NAALADL2: variants seen among roughly 807,000 people sequenced by gnomAD.
NAALADL2 encodes the protein N-acetylated alpha-linked acidic dipeptidase like 2, also known as inactive N-acetylated-alpha-linked acidic dipeptidase-like protein 2.
NAALADL2 carries 76 observed loss-of-function variants against 87.2 expected under a neutral mutation model. That is an observed-to-expected ratio of 0.87 (90% confidence interval 0.72 to 1.05). The LOEUF (loss-of-function observed/expected upper bound fraction) is 1.05. NAALADL2 is among the 50% of genes least tolerant of loss of function. The pLI is 0.00. For missense variants in NAALADL2, 1,089 were observed against 945.8 expected (o/e 1.15, Z -1.99); for synonymous variants, 354 against 331.0 (o/e 1.07, Z -0.75).
intron 5 of NAALADL2, among the ~76,000 whole-genome samples, chr3:175,424,906 C>T (rs1051195072): frequency 1.3e-5 from 2 of 152,052 alleles, no homozygotes; most frequent in African/African-American, 2.4e-5. Context: ...TAAATAGACA[C>T]CTGAGGTAAA....
intron 1 of NAALADL2, among the ~76,000 whole-genome samples, chr3:174,517,989 G>A (rs1265448759): frequency 3.9e-5 from 6 of 152,116 alleles, no homozygotes; most frequent in African/African-American, 1.4e-4. Context: ...CTGAAGTGTA[G>A]AGGTGATCAA....
intron 4 of NAALADL2, among the ~76,000 whole-genome samples, chr3:175,304,349 T>G (rs7635611): frequency 0.09 from 13,703 of 152,218 alleles, 909 homozygotes; most frequent in East Asian, 0.18. Context: ...TCCATTATCT[T>G]CTCTCTGGAG....
At chr3:175,294,963 G>A (rs1428918443) in intron 4 of NAALADL2, among the ~76,000 whole-genome samples, 2 of 152,162 alleles carry the variant, frequency 1.3e-5, no homozygotes, top group African/African-American at 4.8e-5. Context: ...GAGTAGAAGT[G>A]AGAAGGTACT....
intron 13 of NAALADL2, among the ~76,000 whole-genome samples, chr3:175,783,854 CTTA>C (rs1396445304): frequency 6.8e-6 from 1 of 146,650 alleles, no homozygotes; most frequent in Non-Finnish European, 1.5e-5. Context: ...ATAGATAGCT[CTTA>C]TTATTTTGAA....
At chr3:175,435,103 G>C (rs1718404803) in intron 5 of NAALADL2, among the ~76,000 whole-genome samples, 2 of 151,896 alleles carry the variant, frequency 1.3e-5, no homozygotes, top group Non-Finnish European at 2.9e-5. Flanking sequence ...ATATTTATCA[G>C]TATCTAAATA....
At chr3:174,736,011 C>T (rs528269083) in intron 2 of NAALADL2, among the ~76,000 whole-genome samples, 1 of 152,222 alleles carries the variant, frequency 6.6e-6, no homozygotes, top group South Asian at 2.1e-4. Context: ...CAGCTCCAGG[C>T]ACTGGCCTGG....
chr3:175,087,169 CT>C (rs1167195388), intron 1 of NAALADL2, among the ~76,000 whole-genome samples: 1 of 152,198 alleles, frequency 6.6e-6, no homozygotes, highest in African/African-American at 2.4e-5. Flanking sequence ...TTGTTTCTCC[CT>C]TTTCGTATGC....
rs140088189 is a variant in NAALADL2 at position 175,383,194 on chromosome 3, A to G, written c.1090+58869A>G. 7.3e-4 allele frequency among the ~76,000 whole-genome samples: 111 copies of G among 152,158 alleles called. No homozygotes were observed. The East Asian group carries it at 0.019, about 26-fold the overall frequency. ...CCTTTGTGTTAGGAGGCTTTCAGTT[A>G]CAGTCTCTTAGTTGTTTTGAAATAC... is the stretch of plus-strand genomic sequence containing the variant. On this transcript the variant is annotated intron_variant, in intron 5 of 13. Coordinates refer to ENST00000454872, the MANE Select transcript of NAALADL2 (RefSeq NM_207015.3).
chr3:175,142,439 C>T (rs1340771116), intron 2 of NAALADL2, among the ~76,000 whole-genome samples: 3 of 151,984 alleles, frequency 2.0e-5, no homozygotes, highest in South Asian at 4.1e-4. Context: ...TTAATCCTCT[C>T]AACAACCTTA....
rs141281003 is a variant in NAALADL2, at chr3:174,654,670, G to A, written c.-114-82971G>A. On this transcript the variant is annotated intron_variant, in intron 2 of 3. Coordinates refer to the NAALADL2 transcript ENST00000434257. ...TGTTTTCTTTAGTGCAAATGTTTTC[G>A]GAAGTGCTTCACTTTTGAACTGATT... Among the ~76,000 whole-genome samples, 73 of 152,208 alleles carry A rather than the reference G, an allele frequency of 4.8e-4. No homozygotes were observed. In the East Asian group the frequency reaches 0.012, roughly 26 times the overall value.
intron 11 of NAALADL2, among the ~76,000 whole-genome samples, chr3:175,639,526 T>TAGCC (rs1729013640): frequency 6.6e-6 from 1 of 151,932 alleles, no homozygotes; most frequent in South Asian, 2.1e-4. Flanking sequence ...TTCACAGTGT[T>TAGCC]AGCCAGGTTG....
intron 1 of NAALADL2, among the ~76,000 whole-genome samples, chr3:174,865,188 C>CA (rs1014114598): frequency 1.8e-4 from 26 of 147,838 alleles, no homozygotes; most frequent in East Asian, 5.9e-4. Context: ...ATATTGTGTC[C>CA]AAAAAAAAAT....
chr3:175,193,974 A>G (rs9843603), intron 2 of NAALADL2, among the ~76,000 whole-genome samples: 15,934 of 151,860 alleles, frequency 0.1, 916 homozygotes, highest in Middle Eastern at 0.14. Context: ...AAGTGCTAGC[A>G]GCCCTTTCTT....
At chr3:174,575,409 C>G (rs1046482945) in intron 2 of NAALADL2, among the ~76,000 whole-genome samples, 4 of 152,110 alleles carry the variant, frequency 2.6e-5, no homozygotes, top group African/African-American at 9.7e-5. Flanking sequence ...TACCATTTGA[C>G]TATGTGACTA....
intron 2 of NAALADL2, among the ~76,000 whole-genome samples, chr3:174,722,931 G>A (rs1731840744): frequency 6.6e-6 from 1 of 152,182 alleles, no homozygotes; most frequent in Non-Finnish European, 1.5e-5. Flanking sequence ...ACTGGTTTAT[G>A]TGGCTAGCAG....
chr3:174,810,152 G>T (rs1173781769), intron 3 of NAALADL2, among the ~76,000 whole-genome samples: 2 of 152,114 alleles, frequency 1.3e-5, no homozygotes, highest in Admixed American at 6.5e-5. Flanking sequence ...AACAGTGCAA[G>T]AATGGACTAA....
Position 175,501,883 on chromosome 3 carries a change from T to G in NAALADL2, c.1653+30125T>G, listed in dbSNP as rs115786761. ...ACTTTAGTAGTTTTAAGAAAAATGA[T>G]AGTCACAAATATCAAAAAAAGTTCC... On this transcript the variant is annotated intron_variant, in intron 9 of 13. Transcript: ENST00000454872. 8.6e-3 allele frequency among the ~76,000 whole-genome samples: 1,311 copies of G among 152,124 alleles called. 21 individuals carry two copies. Among genetic ancestry groups the G allele is most frequent in the African/African-American group, 0.03 (1,241 of 41,516 alleles).
At chr3:174,485,001 T>C (rs1717763773) in intron 1 of NAALADL2, among the ~76,000 whole-genome samples, 1 of 151,996 alleles carries the variant, frequency 6.6e-6, no homozygotes, top group Non-Finnish European at 1.5e-5. Context: ...CCGTAAATAA[T>C]TGGGGTCCCA....
Position 175,101,066 on chromosome 3 carries a change from GAATA to G in NAALADL2, c.545+3779_545+3782del, listed in dbSNP as rs373409063. Among the ~76,000 whole-genome samples, 28 of 152,072 alleles carry G rather than the reference GAATA, an allele frequency of 1.8e-4. No individual in the cohort carries two copies. The East Asian group carries it at 3.5e-3, about 19-fold the overall frequency. The stretch of plus-strand genomic sequence containing the variant: ...GGAAAATGAGAAGTCTCCAGTTGTA[GAATA>G]AATGAGTCTCCAAAAAACACACAGA... On this transcript the variant is annotated intron_variant, in intron 2 of 13. Coordinates refer to ENST00000454872, the MANE Select transcript of NAALADL2 (RefSeq NM_207015.3).
Sources: gnomAD v4.1 joint callset for allele counts (sites outside exome capture counted in the v4.1 genomes callset) on GRCh38, gnomAD v4.1.1 for gene constraint, MANE v1.5 for transcripts, NCBI Gene and HGNC (gene_info 2026-07-23, HGNC 2026-07-21) for gene names.